Variants in PVT1 observed in about 807,000 individuals in gnomAD.
The protein encoded by PVT1 is CXCR4/PVT1 fusion.
chr8:128,097,624 C>A (rs1814446012), intron 6 of PVT1, among the ~76,000 whole-genome samples: 1 of 152,146 alleles, frequency 6.6e-6, no homozygotes, highest in Admixed American at 6.5e-5. Flanking sequence ...CACACAGACT[C>A]ATTTCCTTTC....
intron 2 of PVT1, among the ~76,000 whole-genome samples, chr8:127,806,301 A>G (rs531053721): frequency 6.0e-4 from 91 of 152,254 alleles, no homozygotes; most frequent in Non-Finnish European, 1.1e-3. Context: ...TTTCTACTAA[A>G]AATACAAAAA....
chr8:128,024,202 G>C (rs924375), intron 4 of PVT1, among the ~76,000 whole-genome samples: 70,750 of 152,054 alleles, frequency 0.47, 17,447 homozygotes, highest in African/African-American at 0.61. Context: ...GTGGCCTGCC[G>C]AAGGCTACAC....
intron 4 of PVT1, among the ~76,000 whole-genome samples, chr8:128,042,491 A>G (rs2720700): frequency 0.03 from 4,564 of 152,210 alleles, 199 homozygotes; most frequent in African/African-American, 0.096. Context: ...AGGACACAGG[A>G]TACTCCCCAG....
At chr8:127,889,619 C>T (rs1427144717) in intron 2 of PVT1, among the ~76,000 whole-genome samples, 1 of 152,120 alleles carries the variant, frequency 6.6e-6, no homozygotes, top group Non-Finnish European at 1.5e-5. Context: ...TAAGTTTTAG[C>T]TGTGGCCATT....
At chr8:127,993,259 A>G (rs1007915678) in intron 4 of PVT1, among the ~76,000 whole-genome samples, 6 of 152,228 alleles carry the variant, frequency 3.9e-5, no homozygotes, top group African/African-American at 1.4e-4. Flanking sequence ...CACTGATCAT[A>G]CACCGTCACA....
intron 3 of PVT1, among the ~76,000 whole-genome samples, chr8:127,939,154 C>G (rs1203674660): frequency 6.6e-5 from 10 of 152,178 alleles, no homozygotes; most frequent in Admixed American, 5.9e-4. Flanking sequence ...TCTTGGCAAC[C>G]CTGTGACTCT....
intron 3 of PVT1, among the ~76,000 whole-genome samples, chr8:127,982,327 A>C (rs1338050289): frequency 6.6e-6 from 1 of 152,154 alleles, no homozygotes; most frequent in Admixed American, 6.5e-5. Flanking sequence ...AAAATCAGTG[A>C]TGCTGCTGAC....
At chr8:127,981,455 T>C (rs780122460) in intron 3 of PVT1, among the ~76,000 whole-genome samples, 6 of 152,172 alleles carry the variant, frequency 3.9e-5, no homozygotes, top group Non-Finnish European at 7.4e-5. Flanking sequence ...TCTGCACAAG[T>C]CACCCAAGTG....
chr8:127,980,998 T>C (rs2129979426), intron 3 of PVT1, among the ~76,000 whole-genome samples: 1 of 152,202 alleles, frequency 6.6e-6, no homozygotes, highest in African/African-American at 2.4e-5. Context: ...GGTTTCACCA[T>C]GTTGGCCAGG....
At chr8:127,928,329 A>AC (rs35122727) in intron 3 of PVT1, among the ~76,000 whole-genome samples, 41,946 of 151,674 alleles carry the variant, frequency 0.28, 6,570 homozygotes, top group East Asian at 0.47. Flanking sequence ...CTATCCTCTG[A>AC]CCCCCACCCT....
intron 5 of PVT1, among the ~76,000 whole-genome samples, chr8:128,074,913 T>G (rs190327406): frequency 2.0e-5 from 3 of 152,360 alleles, no homozygotes; most frequent in Admixed American, 2.0e-4. Context: ...TCTAGTCTAG[T>G]GGAGTAAACC....
chr8:128,015,320 C>A (rs1212470552), intron 4 of PVT1, among the ~76,000 whole-genome samples: 1 of 152,016 alleles, frequency 6.6e-6, no homozygotes, highest in Admixed American at 6.6e-5. Context: ...AAACTCCTGG[C>A]CTCATGTGAT....
intron 4 of PVT1, among the ~76,000 whole-genome samples, chr8:128,021,243 TG>T (rs1817430462): frequency 6.8e-6 from 1 of 145,998 alleles, no homozygotes; most frequent in South Asian, 2.2e-4. Context: ...CAATCTCTAC[TG>T]GGGACAGGGG....
chr8:128,017,922 T>G (rs16902554), intron 4 of PVT1, among the ~76,000 whole-genome samples: 1 of 152,156 alleles, frequency 6.6e-6, no homozygotes, highest in Non-Finnish European at 1.5e-5. Flanking sequence ...CAGGATCAGA[T>G]GGAATGCCAG....
chr8:127,983,298 T>C (rs1405208436), intron 3 of PVT1, among the ~76,000 whole-genome samples: 1 of 152,164 alleles, frequency 6.6e-6, no homozygotes, highest in African/African-American at 2.4e-5. Context: ...ACGGAGGTGG[T>C]GGTTCAAATG....
intron 4 of PVT1, among the ~76,000 whole-genome samples, chr8:128,028,055 C>T (rs1374255452): frequency 1.3e-5 from 2 of 152,258 alleles, no homozygotes. Context: ...CTCCGTCCCG[C>T]CACGGGCTCC....
At chr8:128,033,041 A>T (rs1813412361) in intron 4 of PVT1, among the ~76,000 whole-genome samples, 2 of 152,270 alleles carry the variant, frequency 1.3e-5, no homozygotes, top group South Asian at 4.2e-4. Context: ...GGTAGGGTGA[A>T]GACCTGTTTG....
At chr8:128,006,595 G>T (rs564189298) in intron 4 of PVT1, among the ~76,000 whole-genome samples, 1 of 152,062 alleles carries the variant, frequency 6.6e-6, no homozygotes, top group African/African-American at 2.4e-5. Context: ...TTTAGCATTC[G>T]TGGATAATTC....
intron 5 of PVT1, among the ~76,000 whole-genome samples, chr8:128,093,883 G>A (rs1349076505): frequency 2.0e-5 from 3 of 152,132 alleles, no homozygotes; most frequent in Non-Finnish European, 4.4e-5. Flanking sequence ...TGATCTGCCC[G>A]CCTCAGCTTC....
Sources: allele counts gnomAD v4.1 joint callset (sites outside exome capture counted in the v4.1 genomes callset), GRCh38; gene constraint gnomAD v4.1.1; transcripts MANE v1.5; gene names NCBI Gene and HGNC (gene_info 2026-07-23, HGNC 2026-07-21).